OPCML: variants seen among roughly 807,000 people sequenced by gnomAD.
The protein encoded by OPCML is opioid-binding protein/cell adhesion molecule.
In OPCML, 13 loss-of-function variants were observed where a neutral mutation model predicts 37.8. That is an observed-to-expected ratio of 0.34 (90% CI 0.22 to 0.55). The LOEUF is 0.55. OPCML is among the 20% of genes least tolerant of loss of function. The pLI, the probability that OPCML is intolerant of heterozygous loss-of-function variation, is 0.91. For missense variants in OPCML, 341 were observed against 435.6 expected (o/e 0.78, Z 1.93); for synonymous variants, 176 against 168.8 (o/e 1.04, Z -0.33).
chr11:132,537,945 G>A (rs1241958089), intron 3 of OPCML, among the ~76,000 whole-genome samples: 1 of 152,162 alleles, frequency 6.6e-6, no homozygotes, highest in Non-Finnish European at 1.5e-5. Flanking sequence ...AGAATTAATA[G>A]ACTAATACAG....
chr11:133,271,598 C>T (rs910904163), intron 1 of OPCML, among the ~76,000 whole-genome samples: 1 of 152,162 alleles, frequency 6.6e-6, no homozygotes, highest in African/African-American at 2.4e-5. Flanking sequence ...ACATACAACA[C>T]TAAGAAATAG....
At chr11:132,472,013 A>C (rs1338393740) in intron 4 of OPCML, among the ~76,000 whole-genome samples, 1 of 152,226 alleles carries the variant, frequency 6.6e-6, no homozygotes, top group Non-Finnish European at 1.5e-5. Flanking sequence ...CATTTGCTAA[A>C]GATGGTTCTG....
chr11:132,819,901 G>A (rs1333609635), intron 2 of OPCML, among the ~76,000 whole-genome samples: 1 of 152,166 alleles, frequency 6.6e-6, no homozygotes, highest in Non-Finnish European at 1.5e-5. Context: ...GAGTCAGAAT[G>A]CGGCAGGGCT....
chr11:132,543,862 A>C (rs1284369575), intron 3 of OPCML, among the ~76,000 whole-genome samples: 1 of 152,272 alleles, frequency 6.6e-6, no homozygotes, highest in East Asian at 1.9e-4. Context: ...AGCTTCCCAA[A>C]TAATTATTAT....
chr11:133,153,202 C>G (rs1361953206), intron 1 of OPCML, among the ~76,000 whole-genome samples: 1 of 152,112 alleles, frequency 6.6e-6, no homozygotes, highest in Non-Finnish European at 1.5e-5. Context: ...CGGGAGCCTG[C>G]CCCGCAGCCA....
Position 133,177,172 on chromosome 11 carries a change from GCACAT to G in OPCML, c.62-234167_62-234163del, listed in dbSNP as rs1486895143. Among the ~76,000 whole-genome samples the G allele has an allele frequency of 6.6e-6, 1 of 152,238 alleles. No homozygotes were observed. The highest frequency in any genetic ancestry group is 2.4e-5 in the African/African-American group (1 of 41,454). On this transcript the variant is annotated intron_variant, in intron 1 of 7. Transcript: ENST00000524381. This position sits in a 1 kb window ranked among gnomAD's most constrained non-coding sequence, Gnocchi z 5.0. ...TATTAATATTTATTCATATTTGAGA[GCACAT>G]CTGTGAAGGGCTCAGGGCACAGCAA...
intron 2 of OPCML, among the ~76,000 whole-genome samples, chr11:132,846,573 C>A (rs746346823): frequency 1.3e-5 from 2 of 152,184 alleles, no homozygotes; most frequent in East Asian, 1.9e-4. Context: ...AACATTCACA[C>A]TGAAAAAATA....
intron 2 of OPCML, among the ~76,000 whole-genome samples, chr11:132,750,379 G>C (rs543106983): frequency 1.3e-5 from 2 of 152,302 alleles, no homozygotes; most frequent in African/African-American, 4.8e-5. Flanking sequence ...AGTAGGAAGG[G>C]ACAACCACAG....
chr11:133,132,421 A>G (rs1036484130), intron 1 of OPCML, among the ~76,000 whole-genome samples: 2 of 152,220 alleles, frequency 1.3e-5, no homozygotes, highest in African/African-American at 2.4e-5. Flanking sequence ...CCTCTCATAC[A>G]CTGCTGGTCA....
rs1222174201 is a variant in OPCML at position 132,482,390 on chromosome 11, T to C, written c.506-45031A>G. Among the ~76,000 whole-genome samples the C allele has an allele frequency of 2.6e-5, 4 of 151,700 alleles. No individual in the cohort carries two copies. In the East Asian group the frequency reaches 7.8e-4, roughly 30 times the overall value. ...ACCAGGAAGAAGTTGAATCTCAGAA[T>C]AGACCAATAACAGGATCTGAAATTG... is the stretch of plus-strand genomic sequence containing the variant. On this transcript the variant is annotated intron_variant, in intron 4 of 7. Transcript: ENST00000524381.
At chr11:133,071,828 C>G (rs986244623) in intron 1 of OPCML, among the ~76,000 whole-genome samples, 2 of 152,212 alleles carry the variant, frequency 1.3e-5, no homozygotes, top group African/African-American at 4.8e-5. Context: ...ACTGAGCACT[C>G]ATGGGCCTCC....
At chr11:132,735,612 T>C (rs188254392) in intron 2 of OPCML, among the ~76,000 whole-genome samples, 1 of 151,862 alleles carries the variant, frequency 6.6e-6, no homozygotes, top group South Asian at 2.1e-4. Flanking sequence ...GCCTCCCGAG[T>C]AGCTGGGACT....
chr11:132,698,864 A>G (rs1390709666), intron 2 of OPCML, among the ~76,000 whole-genome samples: 1 of 152,092 alleles, frequency 6.6e-6, no homozygotes, highest in Non-Finnish European at 1.5e-5. Context: ...TTTTTTCAAT[A>G]AATTTTAGAA....
intron 1 of OPCML, among the ~76,000 whole-genome samples, chr11:133,396,324 T>C (rs747238823): frequency 2.6e-5 from 4 of 152,176 alleles, no homozygotes; most frequent in Non-Finnish European, 4.4e-5. Flanking sequence ...TTTTACCAAA[T>C]ATAAGACAAG....
intron 1 of OPCML, among the ~76,000 whole-genome samples, chr11:133,492,086 C>CA (rs1947676331): frequency 6.6e-6 from 1 of 152,206 alleles, no homozygotes; most frequent in African/African-American, 2.4e-5. Flanking sequence ...ATCATGACTG[C>CA]ATATGCTGGC....
chr11:132,787,188 A>G (rs1213416799), intron 2 of OPCML, among the ~76,000 whole-genome samples: 4 of 152,210 alleles, frequency 2.6e-5, no homozygotes, highest in Non-Finnish European at 5.9e-5. Context: ...AACTGGGAAG[A>G]TGTACTCTAG....
chr11:133,527,245 C>A (rs949577058), intron 1 of OPCML, among the ~76,000 whole-genome samples: 1 of 152,206 alleles, frequency 6.6e-6, no homozygotes, highest in Non-Finnish European at 1.5e-5. Context: ...AAATATACCA[C>A]AAAGCAACGT....
intron 3 of OPCML, among the ~76,000 whole-genome samples, chr11:132,598,031 T>C (rs1235425644): frequency 6.6e-6 from 1 of 152,134 alleles, no homozygotes; most frequent in African/African-American, 2.4e-5. Flanking sequence ...TCCACGAAGC[T>C]TGCTCCAGCA....
At chr11:133,475,086 C>T (rs989340284) in intron 1 of OPCML, among the ~76,000 whole-genome samples, 2 of 152,162 alleles carry the variant, frequency 1.3e-5, no homozygotes, top group Non-Finnish European at 2.9e-5. Context: ...CTCTTCTATA[C>T]CCTGTTGCTG....
Sources: allele counts gnomAD v4.1 joint callset (sites outside exome capture counted in the v4.1 genomes callset), GRCh38; gene constraint gnomAD v4.1.1; non-coding constraint Gnocchi (gnomAD v3.1); transcripts MANE v1.5; gene names NCBI Gene and HGNC (gene_info 2026-07-23, HGNC 2026-07-21).